The following TMCO5A variants were observed in gnomAD, a reference collection of about 807,000 sequenced individuals.
TMCO5A encodes transmembrane and coiled-coil domains 5A, also known as transmembrane and coiled-coil domain-containing protein 5A.
A neutral mutation model predicts 42.3 loss-of-function variants in TMCO5A; 34 were observed. That is an observed-to-expected ratio of 0.80 (90% CI 0.61 to 1.07). TMCO5A has a LOEUF of 1.07. TMCO5A is among the 50% of genes least tolerant of loss of function. TMCO5A has a pLI of 0.00. For synonymous variants in TMCO5A, 131 were observed against 115.6 expected, an observed-to-expected ratio of 1.13 and a Z score of -0.86; for missense variants, 357 against 327.9, an observed-to-expected ratio of 1.09 and a Z score of -0.69.
the TMCO5A span, among the ~76,000 whole-genome samples, chr15:38,014,890 T>C: frequency 8.8e-6 from 1 of 114,162 alleles, no homozygotes; most frequent in Non-Finnish European, 1.9e-5. Context: ...TATATATATA[T>C]ATATATATGA....
intron 11 of TMCO5A, among the ~76,000 whole-genome samples, chr15:37,957,315 A>T (rs1394687495): frequency 6.6e-6 from 1 of 152,234 alleles, no homozygotes; most frequent in East Asian, 1.9e-4. Flanking sequence ...GTGTTTGCAC[A>T]TGACATGATT....
the TMCO5A span, among the ~76,000 whole-genome samples, chr15:38,015,142 G>T: frequency 1.3e-5 from 2 of 151,770 alleles, no homozygotes; most frequent in African/African-American, 4.8e-5. Flanking sequence ...ACCAGATTAA[G>T]GGTGGATCTG....
chr15:37,984,782 C>A, the TMCO5A span: 1 of 148,444 alleles, frequency 6.7e-6, no homozygotes, highest in Admixed American at 6.8e-5. Flanking sequence ...GCAGCTCTCA[C>A]CAGACATCAA....
chr15:37,966,466 G>T (rs190191726), intron 11 of TMCO5A, among the ~76,000 whole-genome samples: 3 of 152,228 alleles, frequency 2.0e-5, no homozygotes, highest in African/African-American at 7.2e-5. Flanking sequence ...TCGCATGCCT[G>T]TTTCAAAACA....
At chr15:38,021,724 A>G in the TMCO5A span, among the ~76,000 whole-genome samples, 2 of 152,190 alleles carry the variant, frequency 1.3e-5, no homozygotes, top group African/African-American at 4.8e-5. Context: ...CAGATTACTC[A>G]ATTAAAATAT....
chr15:37,949,315 C>T lies in TMCO5A; in HGVS notation c.668+1619C>T, dbSNP rs1023009889. Among the ~76,000 whole-genome samples the T allele has an allele frequency of 4.6e-5, 7 of 152,196 alleles. No individual in the cohort carries two copies. In the South Asian group the frequency reaches 1.2e-3, roughly 27 times the overall value. The stretch of plus-strand genomic sequence containing the variant: ...TTCAACTCAATTTCAATCAAACTCT[C>T]CAAATGGTTTTTCATGGAATTGAAT... On this transcript the variant is annotated intron_variant, in intron 11 of 11. Transcript: ENST00000319669.
the TMCO5A span, among the ~76,000 whole-genome samples, chr15:38,010,426 C>CTCACACACAT: frequency 9.2e-5 from 1 of 10,868 alleles, no homozygotes; most frequent in Non-Finnish European, 1.8e-4. Context: ...AGAGGGAGAT[C>CTCACACACAT]ACACACACAC....
At chr15:38,029,337 T>A in the TMCO5A span, among the ~76,000 whole-genome samples, 1 of 94,408 alleles carries the variant, frequency 1.1e-5, no homozygotes, top group Non-Finnish European at 2.5e-5. Flanking sequence ...CATGTGCACA[T>A]GTTCACACAA....
Position 37,941,210 on chromosome 15 carries a change from C to T in TMCO5A, c.444+5C>T. On this transcript the variant is annotated splice_donor_5th_base_variant and intron_variant, in intron 7 of 11. Transcript: ENST00000319669. Reference sequence around the variant, plus strand: ...CAAGAGAAGGAGCTGCTCAAGGTAACAGCAGGAACTTCAATGTGACTTCTC... The same window carrying T: ...CAAGAGAAGGAGCTGCTCAAGGTAATAGCAGGAACTTCAATGTGACTTCTC... 6.2e-7 allele frequency: 1 copy of T among 1,612,946 alleles called. No individual in the cohort carries two copies. The highest frequency in any genetic ancestry group is 1.1e-5 in the South Asian group (1 of 91,002).
chr15:38,011,896 G>A, the TMCO5A span, among the ~76,000 whole-genome samples: 72 of 152,146 alleles, frequency 4.7e-4, no homozygotes, highest in African/African-American at 1.6e-3. Flanking sequence ...AGGCCAAGGC[G>A]GGCAGATCAC....
chr15:37,982,994 G>A, the TMCO5A span, among the ~76,000 whole-genome samples: 13 of 151,122 alleles, frequency 8.6e-5, no homozygotes, highest in Non-Finnish European at 1.8e-4. Context: ...CCTCCTCATC[G>A]TAGCCTAAAA....
chr15:37,989,083 G>C, the TMCO5A span, among the ~76,000 whole-genome samples: 2 of 151,736 alleles, frequency 1.3e-5, no homozygotes, highest in African/African-American at 4.8e-5. Flanking sequence ...GTGTTTCTAG[G>C]AATTTATAAA....
chr15:38,001,455 C>T, the TMCO5A span, among the ~76,000 whole-genome samples: 20,263 of 142,044 alleles, frequency 0.14, 1,818 homozygotes, highest in Middle Eastern at 0.25. Context: ...TTTTTTTTAA[C>T]GAATTAGCCA....
chr15:38,004,872 G>T, the TMCO5A span: 1 of 152,124 alleles, frequency 6.6e-6, no homozygotes, highest in Non-Finnish European at 1.5e-5. Flanking sequence ...CTTCATGAAG[G>T]TGCTTTTCTT....
chr15:37,995,644 G>C, the TMCO5A span, among the ~76,000 whole-genome samples: 1 of 152,142 alleles, frequency 6.6e-6, no homozygotes, highest in Non-Finnish European at 1.5e-5. Flanking sequence ...ATTTCCCACT[G>C]TCATGTTCCT....
chr15:37,965,951 A>G (rs1251892212), intron 11 of TMCO5A, among the ~76,000 whole-genome samples: 1 of 152,180 alleles, frequency 6.6e-6, no homozygotes, highest in Non-Finnish European at 1.5e-5. Flanking sequence ...AGCTATCTAC[A>G]CTTTCATGTT....
At chr15:37,980,631 T>C in the TMCO5A span, among the ~76,000 whole-genome samples, 1 of 92,818 alleles carries the variant, frequency 1.1e-5, no homozygotes, top group East Asian at 3.2e-4. Context: ...TAGTCAGCCA[T>C]CTTGGCAAAA....
rs1293923595 is a variant in TMCO5A, at chr15:37,945,642, TTG to T, written c.628-2008_628-2007del. On this transcript the variant is annotated intron_variant, in intron 10 of 11. Coordinates refer to ENST00000319669, the MANE Select transcript of TMCO5A (RefSeq NM_152453.4). ...AATGATCAGTAATGTTGAACTTTTTTTGTGTGTTTGTTGGCTGTATGTATGTC... is the reference window on the plus strand; with the variant it reads ...AATGATCAGTAATGTTGAACTTTTTTTGTGTTTGTTGGCTGTATGTATGTC... Among the ~76,000 whole-genome samples, 8 of 152,220 alleles carry T rather than the reference TTG, an allele frequency of 5.3e-5. No individual in the cohort carries two copies. The East Asian group carries it at 9.6e-4, about 18-fold the overall frequency.
the TMCO5A span, among the ~76,000 whole-genome samples, chr15:38,027,468 C>T: frequency 1.3e-5 from 2 of 152,182 alleles, no homozygotes. Flanking sequence ...TGGGAAGTAA[C>T]TAGCTTGCTT....
Sources: allele counts gnomAD v4.1 joint callset (sites outside exome capture counted in the v4.1 genomes callset), GRCh38; gene constraint gnomAD v4.1.1; transcripts MANE v1.5; gene names NCBI Gene and HGNC (gene_info 2026-07-23, HGNC 2026-07-21).